The following RTEL1 variants were observed in gnomAD, a reference collection of about 807,000 sequenced individuals.
RTEL1 encodes the protein regulator of telomere length.
Under a neutral mutation model 162.2 loss-of-function variants are expected in RTEL1, and 86 were observed. The ratio of observed to expected loss-of-function variants is 0.53; its 90% confidence interval spans 0.45 to 0.63. The LOEUF is 0.63. Ranked by LOEUF, RTEL1 falls within the 30% of genes least tolerant of loss-of-function variation. The probability of loss-of-function intolerance (pLI) is 0.00; values close to 1 mark genes in which losing one functional copy is unlikely to be tolerated. For missense variants in RTEL1, 1,941 were observed against 1,750.2 expected (o/e 1.11, Z -1.95); for synonymous variants, 958 against 717.9 (o/e 1.33, Z -5.35).
rs1194514922 is a variant in RTEL1 at position 63,696,116 on chromosome 20, C to G, written c.*258C>G. Reference sequence around the variant, plus strand: ...TGCTTCCCCAGAACTTCCCTGGCTCCTGGCCTGTGAGTGGTGCCACAGGGG... The same window carrying G: ...TGCTTCCCCAGAACTTCCCTGGCTCGTGGCCTGTGAGTGGTGCCACAGGGG... On this transcript the variant is annotated 3_prime_UTR_variant, in exon 35 of 35. Coordinates refer to ENST00000360203, the MANE Select transcript of RTEL1 (RefSeq NM_001283009.2). 5.5e-6 allele frequency: 3 copies of G among 543,318 alleles called. No homozygotes were observed. The highest frequency in any genetic ancestry group is 6.5e-6 in the Non-Finnish European group (2 of 305,628). The allele number at this position is 543,318 out of a possible 1,614,324, so 33.7% of individuals were successfully genotyped here.
At chr20:63,674,588 C>G (rs1247239668) in intron 10 of RTEL1, among the ~76,000 whole-genome samples, 1 of 151,928 alleles carries the variant, frequency 6.6e-6, no homozygotes, top group Non-Finnish European at 1.5e-5. Context: ...GTGGTCCAAG[C>G]TTTTCCGGAG....
In RTEL1 at chr20:63,692,964, C is replaced by T. The variant is rs763578494; in HGVS notation, c.2812C>T (p.Leu938Phe). 6.2e-7 allele frequency: 1 copy of T among 1,612,662 alleles called. No homozygotes were observed. The highest frequency in any genetic ancestry group is 2.2e-5 in the East Asian group (1 of 44,892). Residue 938 changes from leucine (L) to phenylalanine (F), a missense_variant, in exon 29 of 35, where the codon CTC becomes TTC. Physicochemically the swap from Leu to Phe is conservative, Grantham distance 22. Transcript: ENST00000360203. ...CGCCCTGGCCGCCTGTCTCGGCCCC[C>T]TCTTTGCTGAGGACCCCAAGAAGCA... Reference protein sequence around the residue: ...FAALAACLGPLFAEDPKKHNL... With the variant: ...FAALAACLGPFFAEDPKKHNL...
intron 12 of RTEL1, among the ~76,000 whole-genome samples, chr20:63,679,185 G>A (rs993518873): frequency 3.9e-5 from 6 of 152,224 alleles, no homozygotes; most frequent in Admixed American, 6.5e-5. Context: ...TGAGGAGTCA[G>A]GGCTGGGGCC....
intron 28 of RTEL1, 69 bp from the exon 29 acceptor site, chr20:63,692,736 A>G (rs2090781513): frequency 6.9e-7 from 1 of 1,453,014 alleles, no homozygotes; most frequent in Non-Finnish European, 9.5e-7. Flanking sequence ...GTTCCAAGGA[A>G]GGCTCTGCAG....
chr20:63,688,649 C>T (rs2090651704), intron 21 of RTEL1, 44 bp downstream of exon 21: 7 of 1,543,450 alleles, frequency 4.5e-6, no homozygotes, highest in South Asian at 1.2e-5. Flanking sequence ...CCCCTCGTGC[C>T]TCCCCTGCCT....
At position 63,695,397 on chromosome 20, in the gene RTEL1, C is replaced by G. The variant is rs2090953129; in HGVS notation, c.3569C>G (p.Ala1190Gly). ...TCGTCCTTCCTTAGACAGAGGCCAGCAGGGACTGTGGGGGCGGGCGGTGAG... is the reference window on the plus strand; with the variant it reads ...TCGTCCTTCCTTAGACAGAGGCCAGGAGGGACTGTGGGGGCGGGCGGTGAG... ...KISSFLRQRP[A>G]GTVGAGGEDA... is the part of the protein sequence containing the mutation. Residue 1190 changes from alanine to glycine, a missense_variant, in exon 34 of 35, where the codon GCA (alanine) becomes GGA (glycine). Physicochemically the swap from Ala to Gly is moderately conservative, Grantham distance 60. Transcript: ENST00000360203. The G allele has an allele frequency of 6.4e-7, 1 of 1,558,182 alleles. No homozygotes were observed. The highest frequency in any genetic ancestry group is 1.8e-5 in the Admixed American group (1 of 54,560).
In RTEL1 at chr20:63,666,099, C is replaced by G; in HGVS notation, c.614+20C>G. On this transcript the variant is annotated intron_variant, in intron 7 of 34. Transcript: ENST00000360203. ...GCACAGGTGAGACCCCTCAGTGAGG[C>G]CACGACCACTGTCCTTCCATGGCCC... 1 of 1,601,896 alleles carries G rather than the reference C, an allele frequency of 6.2e-7. No homozygotes were observed. Among genetic ancestry groups the G allele is most frequent in the Non-Finnish European group, 8.6e-7 (1 of 1,168,976 alleles).
chr20:63,664,153 G>T (rs2090076096), intron 6 of RTEL1, among the ~76,000 whole-genome samples: 1 of 152,232 alleles, frequency 6.6e-6, no homozygotes, highest in Admixed American at 6.5e-5. Context: ...CAGGTTCCCT[G>T]ACAGGAGCTG....
rs1292592635 is a variant in RTEL1 at position 63,659,364 on chromosome 20, C to T, written c.-39C>T. The T allele has an allele frequency of 7.4e-6, 11 of 1,493,332 alleles. No individual in the cohort carries two copies. Among genetic ancestry groups the T allele is most frequent in the African/African-American group, 1.4e-5 (1 of 72,468 alleles). The allele number at this position is 1,493,332 out of a possible 1,614,324, so 92.5% of individuals were successfully genotyped here. ...TTCGCACAGACCCGAATAGCCTGCC[C>T]CTCAGCCACGCTCTGTGCCCTTCTG... On this transcript the variant is annotated 5_prime_UTR_variant, in exon 2 of 35. Coordinates refer to ENST00000360203, the MANE Select transcript of RTEL1 (RefSeq NM_001283009.2).
At chr20:63,693,449 C>A in intron 30 of RTEL1, among the ~76,000 whole-genome samples, 166 bp downstream of exon 30, 1 of 90,020 alleles carries the variant, frequency 1.1e-5, no homozygotes, top group Non-Finnish European at 2.2e-5. Flanking sequence ...GCACCAGCAG[C>A]ACCACCTCCA....
intron 22 of RTEL1, 99 bp downstream of exon 22, chr20:63,689,231 C>A: frequency 8.2e-7 from 1 of 1,223,468 alleles, no homozygotes; most frequent in Admixed American, 1.9e-5. Context: ...GCTGCCCGGT[C>A]CCCTCCTTGG....
chr20:63,692,821 G>C lies in RTEL1; in HGVS notation c.2669G>C (p.Gly890Ala). 6.2e-7 allele frequency: 1 copy of C among 1,612,042 alleles called. No individual in the cohort carries two copies. The highest frequency in any genetic ancestry group is 1.1e-5 in the South Asian group (1 of 91,078). The change falls in exon 29 of 35, where the codon GGT becomes GCT. Residue 890 changes from glycine to alanine, a missense_variant. Coordinates refer to ENST00000360203, the MANE Select transcript of RTEL1 (RefSeq NM_001283009.2). ...LVSHPEEPVA[G>A]AQTDRAKLFM... is the part of the protein sequence containing the mutation. ...GTCCTGCAGGAGGAGCCCGTGGCTGGTGCACAGACGGACAGGGCCAAGCTC... is the reference window on the plus strand; with the variant it reads ...GTCCTGCAGGAGGAGCCCGTGGCTGCTGCACAGACGGACAGGGCCAAGCTC...
rs770539835 is a variant in RTEL1, at chr20:63,691,821, G to A, written c.2636G>A (p.Arg879Gln). The change falls in exon 28 of 35, where the codon CGG becomes CAG. Residue 879 changes from arginine (R) to glutamine (Q), a missense_variant. By Grantham distance (43) the Arg-to-Gln change is conservative. Transcript: ENST00000360203. ...CCGCGAGGAGGGAGGAAGAAGATCC[G>A]GCTGGTCAGCCACCCGGTGCGTGAG... is the stretch of plus-strand genomic sequence containing the variant. ...EEPRGGRKKI[R>Q]LVSHPEEPVA... 14 of 1,611,226 alleles carry A rather than the reference G, an allele frequency of 8.7e-6. No homozygotes were observed. The highest frequency in any genetic ancestry group is 1.6e-4 in the Middle Eastern group (1 of 6,078).
At position 63,693,141 on chromosome 20, in the gene RTEL1, A is replaced by G; in HGVS notation, c.2852-2A>G. The G allele has an allele frequency of 6.2e-7, 1 of 1,612,214 alleles. No individual in the cohort carries two copies. The highest frequency in any genetic ancestry group is 8.5e-7 in the Non-Finnish European group (1 of 1,179,576). On this transcript the variant is annotated splice_acceptor_variant, in intron 29 of 34. Transcript: ENST00000360203. LOFTEE classifies it high-confidence loss of function. Reference sequence around the variant, plus strand: ...TGGGGACAGACGCCCCTTCCTCTACAGGCTTCTACCAGTTTGTGCGGCCCC... The same window carrying G: ...TGGGGACAGACGCCCCTTCCTCTACGGGCTTCTACCAGTTTGTGCGGCCCC...
At position 63,696,105 on chromosome 20, in the gene RTEL1, T is replaced by C. The variant is rs2090973596; in HGVS notation, c.*247T>C. On this transcript the variant is annotated 3_prime_UTR_variant, in exon 35 of 35. Coordinates refer to ENST00000360203, the MANE Select transcript of RTEL1 (RefSeq NM_001283009.2). The stretch of plus-strand genomic sequence containing the variant: ...TTCTGGGAAAGTGCTTCCCCAGAAC[T>C]TCCCTGGCTCCTGGCCTGTGAGTGG... 1 of 549,402 alleles carries C rather than the reference T, an allele frequency of 1.8e-6. No individual in the cohort carries two copies. Among genetic ancestry groups the C allele is most frequent in the African/African-American group, 1.9e-5 (1 of 52,310 alleles). 34.0% of individuals were successfully genotyped at this position (549,402 alleles called of 1,614,324 possible).
intron 14 of RTEL1, chr20:63,682,497 C>T (rs2090498362): frequency 1.0e-6 from 1 of 985,796 alleles, no homozygotes; most frequent in Non-Finnish European, 1.2e-6. Flanking sequence ...AGACTCCACA[C>T]TCTGGAACCG....
chr20:63,692,773 C>A, intron 28 of RTEL1, 32 bp from the exon 29 acceptor site: 1 of 1,595,274 alleles, frequency 6.3e-7, no homozygotes, highest in Non-Finnish European at 8.6e-7. Context: ...ATGAGGCTGG[C>A]CCTGATGGAG....
At position 63,667,488 on chromosome 20, in the gene RTEL1, T is replaced by C; in HGVS notation, c.634T>C (p.Ser212Pro). Residue 212 changes from serine (S) to proline (P), a missense_variant, in exon 8 of 35, where the codon TCC becomes CCC. Transcript: ENST00000360203. ...SKHRVCPYYL[S>P]RNLKQQADII... ...TCCCAGGGTGTGCCCTTACTACCTG[T>C]CCCGGAACCTGAAGCAGCAAGCCGA... The C allele has an allele frequency of 6.2e-7, 1 of 1,613,650 alleles. No homozygotes were observed. The highest frequency in any genetic ancestry group is 8.5e-7 in the Non-Finnish European group (1 of 1,179,730).
rs755033095 is a variant in RTEL1 at position 63,690,202 on chromosome 20, G to A, written c.2257G>A (p.Glu753Lys). 14 of 1,612,242 alleles carry A rather than the reference G, an allele frequency of 8.7e-6. No individual in the cohort carries two copies. Among genetic ancestry groups the A allele is most frequent in the Admixed American group, 1.7e-5 (1 of 59,968 alleles). The change falls in exon 25 of 35, where the codon GAG (glutamate) becomes AAG (lysine). Residue 753 changes from glutamate (E) to lysine (K), a missense_variant. Glu to Lys is a moderately conservative substitution (Grantham distance 56, BLOSUM62 1). Transcript: ENST00000360203. ...RDVAQFFRVA[E>K]RTMPAPAPRA... ...CGTGGCCCAGTTCTTCCGTGTTGCC[G>A]AGCGAACTGTGAGTTCCTGCCCAGG...
Sources: gnomAD v4.1 joint callset for allele counts (sites outside exome capture counted in the v4.1 genomes callset) on GRCh38, gnomAD v4.1.1 for gene constraint, MANE v1.5 for transcripts, NCBI Gene and HGNC (gene_info 2026-07-23, HGNC 2026-07-21) for gene names.